GFRA1: variants seen among roughly 807,000 people sequenced by gnomAD.
GFRA1 encodes GDNF family receptor alpha 1, also known as GDNF family receptor alpha-1.
Under a neutral mutation model 51.6 loss-of-function variants are expected in GFRA1, and 16 were observed. That is an observed-to-expected ratio of 0.31 (90% CI 0.21 to 0.47). GFRA1 has a LOEUF of 0.47. Among genes scored for constraint, GFRA1 ranks in the 20% least tolerant of loss-of-function variants. GFRA1 has a pLI of 1.00. For missense variants in GFRA1, 530 were observed against 594.3 expected, an observed-to-expected ratio of 0.89 and a Z score of 1.13; for synonymous variants, 270 against 241.3, an observed-to-expected ratio of 1.12 and a Z score of -1.10.
chr10:116,096,844 T>C, intron 6 of GFRA1, 80 bp from the exon 7 acceptor site: 2 of 781,062 alleles, frequency 2.6e-6, no homozygotes, highest in Non-Finnish European at 4.4e-6. Context: ...GTTTTCTTTA[T>C]TCCTTTGTTG....
chr10:116,158,959 C>A (rs1276914151), intron 5 of GFRA1, among the ~76,000 whole-genome samples: 1 of 152,340 alleles, frequency 6.6e-6, no homozygotes, highest in East Asian at 1.9e-4. Context: ...TCTCACCAAA[C>A]GCATGGGCAT....
chr10:116,228,193 G>T (rs2134543926), intron 4 of GFRA1, among the ~76,000 whole-genome samples: 1 of 152,320 alleles, frequency 6.6e-6, no homozygotes. Flanking sequence ...CTGGTAGTCA[G>T]TAAGCAATTG....
At chr10:116,081,836 T>A (rs1955864334) in intron 9 of GFRA1, among the ~76,000 whole-genome samples, 1 of 152,322 alleles carries the variant, frequency 6.6e-6, no homozygotes, top group Non-Finnish European at 1.5e-5. Context: ...TGGTTTTAAT[T>A]TTAATATTTA....
intron 5 of GFRA1, among the ~76,000 whole-genome samples, chr10:116,192,941 C>G (rs72836338): frequency 6.6e-6 from 1 of 152,220 alleles, no homozygotes; most frequent in Non-Finnish European, 1.5e-5. Flanking sequence ...AAGGCAGAAA[C>G]AGCTGCCATC....
At chr10:116,081,647 T>C (rs925951205) in intron 9 of GFRA1, among the ~76,000 whole-genome samples, 1 of 152,168 alleles carries the variant, frequency 6.6e-6, no homozygotes, top group African/African-American at 2.4e-5. Flanking sequence ...GGGGAGGCAC[T>C]GCGTATGCAT....
chr10:116,085,997 T>C (rs554865646), intron 9 of GFRA1, among the ~76,000 whole-genome samples: 16 of 152,304 alleles, frequency 1.1e-4, no homozygotes, highest in African/African-American at 3.6e-4. Flanking sequence ...ATCCCAGCTG[T>C]CCAAGGGTCA....
At chr10:116,261,452 T>C (rs905569973) in intron 4 of GFRA1, among the ~76,000 whole-genome samples, 8 of 152,220 alleles carry the variant, frequency 5.3e-5, no homozygotes, top group Non-Finnish European at 1.0e-4. Flanking sequence ...TATAATCTTG[T>C]AGCATGTATT....
intron 9 of GFRA1, among the ~76,000 whole-genome samples, chr10:116,085,391 C>T (rs972653958): frequency 1.3e-5 from 2 of 152,192 alleles, no homozygotes; most frequent in African/African-American, 4.8e-5. Context: ...AACTTTAGAG[C>T]TGCCAAAGAT....
chr10:116,227,287 T>A (rs977773170), intron 4 of GFRA1, among the ~76,000 whole-genome samples: 1 of 152,304 alleles, frequency 6.6e-6, no homozygotes, highest in African/African-American at 2.4e-5. Flanking sequence ...CCTACCAAAC[T>A]GTCAGGTTGC....
chr10:116,177,359 G>A (rs993791175), intron 5 of GFRA1, among the ~76,000 whole-genome samples: 1 of 152,206 alleles, frequency 6.6e-6, no homozygotes, highest in African/African-American at 2.4e-5. Context: ...CCTGGGCTAA[G>A]AGAACAGACA....
At chr10:116,236,566 G>T (rs1966885692) in intron 4 of GFRA1, among the ~76,000 whole-genome samples, 1 of 152,132 alleles carries the variant, frequency 6.6e-6, no homozygotes, top group African/African-American at 2.4e-5. Context: ...GGCAACTGAT[G>T]AAAAATATTG....
chr10:116,190,226 C>A (rs904768044), intron 5 of GFRA1, among the ~76,000 whole-genome samples: 2 of 152,206 alleles, frequency 1.3e-5, no homozygotes, highest in African/African-American at 4.8e-5. Flanking sequence ...TAAAGCCAAA[C>A]CTTTCAAGTG....
At chr10:116,104,779 G>A (rs1044203670) in intron 6 of GFRA1, among the ~76,000 whole-genome samples, 1 of 152,154 alleles carries the variant, frequency 6.6e-6, no homozygotes, top group Non-Finnish European at 1.5e-5. Flanking sequence ...GGCTTGACAG[G>A]TACTCTCTAC....
intron 6 of GFRA1, among the ~76,000 whole-genome samples, chr10:116,117,934 G>C (rs942213109): frequency 6.6e-6 from 1 of 151,856 alleles, no homozygotes; most frequent in Non-Finnish European, 1.5e-5. Flanking sequence ...CCTTTGCTGG[G>C]TTCTCCAACT....
At chr10:116,228,254 G>A (rs1421498470) in intron 4 of GFRA1, among the ~76,000 whole-genome samples, 1 of 152,172 alleles carries the variant, frequency 6.6e-6, no homozygotes, top group Non-Finnish European at 1.5e-5. Context: ...AGGGAATTAT[G>A]ATGAAAATGT....
At chr10:116,180,772 C>A (rs1018951476) in intron 5 of GFRA1, among the ~76,000 whole-genome samples, 1 of 152,172 alleles carries the variant, frequency 6.6e-6, no homozygotes, top group Non-Finnish European at 1.5e-5. Context: ...GACGTTCCAT[C>A]CCCTCTGGGT....
chr10:116,106,772 T>C (rs1957023420), intron 6 of GFRA1, among the ~76,000 whole-genome samples: 2 of 152,116 alleles, frequency 1.3e-5, no homozygotes, highest in Admixed American at 6.5e-5. Flanking sequence ...AATCTCATGT[T>C]GAGATGGAAC....
intron 6 of GFRA1, among the ~76,000 whole-genome samples, chr10:116,123,874 T>A (rs192130818): frequency 6.6e-6 from 1 of 152,320 alleles, no homozygotes; most frequent in East Asian, 1.9e-4. Flanking sequence ...CTTTTCACTC[T>A]ACCTACGTCT....
chr10:116,127,518 A>G (rs1017575093), intron 5 of GFRA1, among the ~76,000 whole-genome samples: 2 of 152,242 alleles, frequency 1.3e-5, no homozygotes, highest in Admixed American at 6.5e-5. Context: ...TAAGCAAGAC[A>G]GGAGCCCTTC....
Sources: gnomAD v4.1 joint callset for allele counts (sites outside exome capture counted in the v4.1 genomes callset) on GRCh38, gnomAD v4.1.1 for gene constraint, MANE v1.5 for transcripts, NCBI Gene and HGNC (gene_info 2026-07-23, HGNC 2026-07-21) for gene names.